The following ABCD3 variants were observed in gnomAD, a reference collection of about 807,000 sequenced individuals.
The protein encoded by ABCD3 is ATP binding cassette subfamily D member 3.
A neutral mutation model predicts 105.5 loss-of-function variants in ABCD3; 41 were observed. That is an observed-to-expected ratio of 0.39 (90% confidence interval 0.30 to 0.50). The LOEUF (loss-of-function observed/expected upper bound fraction) is 0.50, where lower values mean the gene tolerates loss of function less well. ABCD3 is among the 20% of genes least tolerant of loss of function. The pLI, the probability that ABCD3 is intolerant of heterozygous loss-of-function variation, is 0.84. For synonymous variants in ABCD3, 258 were observed against 269.0 expected (o/e 0.96, Z 0.40); for missense variants, 622 against 806.3 (o/e 0.77, Z 2.77).
At chr1:94,478,455 G>A (rs1412628798) in intron 8 of ABCD3, 140 bp downstream of exon 8, 2 of 1,245,398 alleles carry the variant, frequency 1.6e-6, no homozygotes, top group African/African-American at 1.5e-5. Context: ...ACAAAGTCTG[G>A]TTATAAAATA....
chr1:94,487,487 G>T lies in ABCD3; in HGVS notation c.898-55G>T, dbSNP rs1649329883. On this transcript the variant is annotated intron_variant, in intron 10 of 22. Coordinates refer to ENST00000370214, the MANE Select transcript of ABCD3 (RefSeq NM_002858.4). ...TACAGTTTGTTTTATCCTTATAGTA[G>T]ATTCAGTTTTTTATACAGAGAAAAA... is the stretch of plus-strand genomic sequence containing the variant. The T allele has an allele frequency of 2.0e-6, 3 of 1,478,770 alleles. No individual in the cohort carries two copies. The South Asian group carries it at 3.4e-5, about 17-fold the overall frequency. The allele number at this position is 1,478,770 out of a possible 1,614,324, so 91.6% of individuals were successfully genotyped here. A position where few individuals can be genotyped will look rare whatever the true frequency, so the allele number is the denominator to read the frequency against.
At chr1:94,452,844 C>T (rs1224020159) in intron 1 of ABCD3, among the ~76,000 whole-genome samples, 1 of 152,078 alleles carries the variant, frequency 6.6e-6, no homozygotes, top group East Asian at 1.9e-4. Flanking sequence ...TCAAGTGATT[C>T]TCATGCCTCA....
In ABCD3 at chr1:94,452,576, T is replaced by A. The variant is rs530568682; in HGVS notation, c.111-6031T>A. ...AAAGTCATTATGTACATATTTATTT[T>A]TAAATTTTAATGATAAGGTATTTAT... On this transcript the variant is annotated intron_variant, in intron 1 of 22. Transcript: ENST00000370214. 1.1e-3 allele frequency among the ~76,000 whole-genome samples: 175 copies of A among 152,350 alleles called. No individual in the cohort carries two copies. The Middle Eastern group carries it at 0.017, about 15-fold the overall frequency.
rs561779774 is a variant in ABCD3 at position 94,483,332 on chromosome 1, C to A, written c.897+93C>A. On this transcript the variant is annotated intron_variant, in intron 10 of 22. Transcript: ENST00000370214. ...TGGCCGACACACATACACACACACACAAACACACACGTATGTATACATATC... is the reference window on the plus strand; with the variant it reads ...TGGCCGACACACATACACACACACAAAAACACACACGTATGTATACATATC... 40 of 890,430 alleles carry A rather than the reference C, an allele frequency of 4.5e-5. No individual in the cohort carries two copies. The East Asian group carries it at 9.0e-4, about 20-fold the overall frequency. 55.2% of individuals were successfully genotyped at this position (890,430 alleles called of 1,614,324 possible). A position where few individuals can be genotyped will look rare whatever the true frequency, so the allele number is the denominator to read the frequency against.
chr1:94,482,124 G>A (rs1649058442), intron 9 of ABCD3: 1 of 152,150 alleles, frequency 6.6e-6, no homozygotes, highest in South Asian at 2.1e-4. Flanking sequence ...ATAGAAGGAA[G>A]TTTTTTTAAA....
intron 1 of ABCD3, among the ~76,000 whole-genome samples, chr1:94,432,095 A>T (rs974754155): frequency 3.3e-5 from 5 of 152,324 alleles, no homozygotes; most frequent in African/African-American, 7.2e-5. Flanking sequence ...CCACTGGAGG[A>T]AACAGGAATG....
At chr1:94,430,933 G>A (rs189259442) in intron 1 of ABCD3, among the ~76,000 whole-genome samples, 16 of 152,152 alleles carry the variant, frequency 1.1e-4, no homozygotes, top group Admixed American at 2.0e-4. Context: ...CTTTTCTAAC[G>A]TTTATCATTA....
chr1:94,421,562 A>ATG (rs3073023), intron 1 of ABCD3, among the ~76,000 whole-genome samples: 55,097 of 148,808 alleles, frequency 0.37, 10,109 homozygotes, highest in South Asian at 0.44. Flanking sequence ...GAGCTATAAG[A>ATG]TGTGTGTGTG....
At position 94,515,181 on chromosome 1, in the gene ABCD3, A is replaced by G. The variant is rs751418237; in HGVS notation, c.1881A>G (p.Lys627=). The G allele has an allele frequency of 8.1e-6, 13 of 1,610,266 alleles. No individual in the cohort carries two copies. The East Asian group carries it at 2.5e-4, about 30-fold the overall frequency. ...GITLFTVSHR[K]SLWKHHEYYL... ...CTCTCTTCACTGTGTCTCATAGGAA[A>G]TCTCTTTGGAAACATCATGAGGTTT... Residue 627 remains lysine (K), a synonymous_variant, in exon 22 of 23, where the codon AAA becomes AAG. Coordinates refer to ENST00000370214, the MANE Select transcript of ABCD3 (RefSeq NM_002858.4).
the ABCD3 span, among the ~76,000 whole-genome samples, chr1:94,392,087 G>T: frequency 2.6e-5 from 4 of 152,248 alleles, no homozygotes; most frequent in East Asian, 7.7e-4. Flanking sequence ...TAGGTTCTTT[G>T]CCTTCAGACC....
chr1:94,485,170 T>G (rs1649224479), intron 10 of ABCD3, among the ~76,000 whole-genome samples: 1 of 152,170 alleles, frequency 6.6e-6, no homozygotes, highest in South Asian at 2.1e-4. Flanking sequence ...TTGTGAAAGC[T>G]TTACTTCAGT....
intron 6 of ABCD3, 105 bp downstream of exon 6, chr1:94,475,345 A>T: frequency 2.3e-6 from 2 of 881,436 alleles, no homozygotes; most frequent in Non-Finnish European, 3.5e-6. Flanking sequence ...TTTCTAAGAA[A>T]ACCACTCTTA....
chr1:94,419,260 C>A, intron 1 of ABCD3: 1 of 984,708 alleles, frequency 1.0e-6, no homozygotes. Context: ...TCGGTTCTGT[C>A]GGACTTAGAG....
At chr1:94,471,529 G>A (rs1177816195) in intron 4 of ABCD3, among the ~76,000 whole-genome samples, 1 of 151,438 alleles carries the variant, frequency 6.6e-6, no homozygotes, top group Non-Finnish European at 1.5e-5. Flanking sequence ...TTAGCATAAG[G>A]AACTTCCTTA....
intron 1 of ABCD3, among the ~76,000 whole-genome samples, chr1:94,440,857 G>T (rs1329964800): frequency 6.6e-6 from 1 of 152,112 alleles, no homozygotes; most frequent in Non-Finnish European, 1.5e-5. Flanking sequence ...TGGGTTCAAG[G>T]AGCTTCAAAA....
chr1:94,425,770 CACGTATTTTATAATTTGCAAA>C (rs1392055017), intron 1 of ABCD3, among the ~76,000 whole-genome samples: 3 of 152,094 alleles, frequency 2.0e-5, no homozygotes, highest in Admixed American at 6.6e-5. Flanking sequence ...TTTTAATTTG[CACGTATTTTATAATTTGCAAA>C]AATGAACATT....
the ABCD3 span, among the ~76,000 whole-genome samples, chr1:94,399,034 G>A: frequency 2.0e-5 from 3 of 151,654 alleles, no homozygotes; most frequent in East Asian, 1.9e-4. Flanking sequence ...TTCACTCTTC[G>A]GTAGTATGTA....
the ABCD3 span, among the ~76,000 whole-genome samples, chr1:94,396,364 G>C: frequency 6.6e-6 from 1 of 152,128 alleles, no homozygotes; most frequent in Non-Finnish European, 1.5e-5. Context: ...TCTTGGACCT[G>C]ACAACAAAAT....
chr1:94,508,369 G>A (rs1650470940), intron 21 of ABCD3, among the ~76,000 whole-genome samples: 1 of 152,174 alleles, frequency 6.6e-6, no homozygotes, highest in Non-Finnish European at 1.5e-5. Context: ...TTTGGTAACA[G>A]TACCATGCTG....
Sources: gnomAD v4.1 joint callset for allele counts (sites outside exome capture counted in the v4.1 genomes callset) on GRCh38, gnomAD v4.1.1 for gene constraint, MANE v1.5 for transcripts, NCBI Gene and HGNC (gene_info 2026-07-23, HGNC 2026-07-21) for gene names.